The following LCLAT1 variants were observed in gnomAD, a reference collection of about 807,000 sequenced individuals.
LCLAT1 encodes the protein lysocardiolipin acyltransferase 1, also known as 1-AGP acyltransferase 8.
In LCLAT1, 11 loss-of-function variants were observed where a neutral mutation model predicts 30.7. The ratio of observed to expected loss-of-function variants is 0.36; its 90% CI spans 0.23 to 0.59. The LOEUF (loss-of-function observed/expected upper bound fraction) is 0.59, where lower values mean the gene tolerates loss of function less well. Among genes scored for constraint, LCLAT1 ranks in the 20% least tolerant of loss-of-function variants. The pLI is 0.77. For synonymous variants in LCLAT1, 155 were observed against 151.3 expected (o/e 1.02, Z -0.18); for missense variants, 402 against 458.6 (o/e 0.88, Z 1.13).
intron 1 of LCLAT1, among the ~76,000 whole-genome samples, chr2:30,461,012 G>T (rs1259590228): frequency 6.6e-6 from 1 of 152,214 alleles, no homozygotes. Flanking sequence ...CCATTGGGCT[G>T]TTCCTGAGTT....
chr2:30,472,044 TA>T (rs1222242068), intron 1 of LCLAT1, among the ~76,000 whole-genome samples: 1 of 152,216 alleles, frequency 6.6e-6, no homozygotes, highest in African/African-American at 2.4e-5. Flanking sequence ...CCTTTTCTTT[TA>T]AATCTTTAAC....
chr2:30,484,984 CACTT>C (rs1683493896), intron 1 of LCLAT1, among the ~76,000 whole-genome samples: 1 of 152,042 alleles, frequency 6.6e-6, no homozygotes, highest in Non-Finnish European at 1.5e-5. Flanking sequence ...AACAGTAACT[CACTT>C]AAGCAGAAGG....
At chr2:30,576,276 G>A (rs942655713) in intron 5 of LCLAT1, among the ~76,000 whole-genome samples, 2 of 152,138 alleles carry the variant, frequency 1.3e-5, no homozygotes, top group African/African-American at 4.8e-5. Flanking sequence ...ATGACTTTCG[G>A]TAGACTTTAC....
chr2:30,547,235 T>A (rs1005907085), intron 3 of LCLAT1, among the ~76,000 whole-genome samples: 4 of 152,226 alleles, frequency 2.6e-5, no homozygotes, highest in South Asian at 2.1e-4. Flanking sequence ...TAGCTACTTA[T>A]TAACTATGCT....
At chr2:30,542,755 C>G (rs938284810) in intron 3 of LCLAT1, among the ~76,000 whole-genome samples, 1 of 151,960 alleles carries the variant, frequency 6.6e-6, no homozygotes, top group African/African-American at 2.4e-5. Flanking sequence ...TTGATTGATG[C>G]TATTTTGGAG....
At chr2:30,567,889 A>T (rs557834569) in intron 4 of LCLAT1, among the ~76,000 whole-genome samples, 171 bp from the exon 5 acceptor site, 2 of 152,232 alleles carry the variant, frequency 1.3e-5, no homozygotes, top group South Asian at 4.1e-4. Flanking sequence ...TAGGTCTGGG[A>T]TCTTGATAAT....
chr2:30,576,399 A>G (rs994486572), intron 5 of LCLAT1, among the ~76,000 whole-genome samples: 19 of 152,294 alleles, frequency 1.2e-4, no homozygotes, highest in Middle Eastern at 3.4e-3. Flanking sequence ...AGCTGTGTCA[A>G]TACTATTTAC....
At chr2:30,453,323 G>A (rs745895541) in intron 1 of LCLAT1, among the ~76,000 whole-genome samples, 11 of 152,196 alleles carry the variant, frequency 7.2e-5, no homozygotes, top group Non-Finnish European at 1.3e-4. Flanking sequence ...GTGACTGGGA[G>A]TGTGGACTGA....
At chr2:30,500,338 T>G (rs1025256109) in intron 1 of LCLAT1, among the ~76,000 whole-genome samples, 2 of 152,190 alleles carry the variant, frequency 1.3e-5, no homozygotes, top group Non-Finnish European at 2.9e-5. Flanking sequence ...TGACTCAGGT[T>G]AGAGTTGTTT....
chr2:30,479,207 A>T (rs999593185), intron 1 of LCLAT1, among the ~76,000 whole-genome samples: 2 of 151,984 alleles, frequency 1.3e-5, no homozygotes, highest in African/African-American at 4.8e-5. Context: ...AGTAGAGTAT[A>T]TACTTGTTTT....
intron 3 of LCLAT1, among the ~76,000 whole-genome samples, chr2:30,534,570 C>T (rs1012371706): frequency 1.3e-5 from 2 of 152,162 alleles, no homozygotes; most frequent in Admixed American, 6.5e-5. Context: ...CCACTGCGCC[C>T]GGCCAACTGT....
chr2:30,452,856 A>G (rs1251181261), intron 1 of LCLAT1, among the ~76,000 whole-genome samples: 1 of 151,852 alleles, frequency 6.6e-6, no homozygotes, highest in African/African-American at 2.4e-5. Context: ...TTTTATTCAC[A>G]CCTTTACCTT....
intron 5 of LCLAT1, among the ~76,000 whole-genome samples, chr2:30,589,290 T>G (rs1666583261): frequency 6.6e-6 from 1 of 152,204 alleles, no homozygotes; most frequent in South Asian, 2.1e-4. Context: ...TCCTCTTTGG[T>G]AGGGGAGTTG....
At chr2:30,455,892 G>A (rs542618324) in intron 1 of LCLAT1, among the ~76,000 whole-genome samples, 65 of 125,242 alleles carry the variant, frequency 5.2e-4, no homozygotes, top group African/African-American at 2.0e-3. Flanking sequence ...CCTGGGTGAC[G>A]GAGTGAGACC....
At chr2:30,459,562 A>T in intron 1 of LCLAT1, 1 of 1,278,500 alleles carries the variant, frequency 7.8e-7, no homozygotes, top group Non-Finnish European at 1.1e-6. Flanking sequence ...GCTGAAAAAC[A>T]GAGTGGGTAC....
intron 1 of LCLAT1, among the ~76,000 whole-genome samples, chr2:30,501,513 A>G (rs1684387561): frequency 6.6e-6 from 1 of 152,056 alleles, no homozygotes; most frequent in Non-Finnish European, 1.5e-5. Context: ...ATCAAAAAAT[A>G]CAAAAAAAAA....
chr2:30,563,757 A>G (rs1007633492), intron 4 of LCLAT1, among the ~76,000 whole-genome samples: 1 of 152,252 alleles, frequency 6.6e-6, no homozygotes, highest in African/African-American at 2.4e-5. Flanking sequence ...ACTCATTATT[A>G]CAAAAGAGAG....
intron 5 of LCLAT1, among the ~76,000 whole-genome samples, chr2:30,630,918 A>G (rs1033053367): frequency 7.2e-5 from 11 of 152,232 alleles, no homozygotes; most frequent in African/African-American, 1.7e-4. Flanking sequence ...GATGGTAAAT[A>G]GAACACTCAA....
chr2:30,538,723 A>G (rs1292732954), intron 3 of LCLAT1, among the ~76,000 whole-genome samples: 1 of 148,674 alleles, frequency 6.7e-6, no homozygotes, highest in Admixed American at 6.9e-5. Context: ...CCACAGAAAT[A>G]CAAAAGATCA....
Sources: gnomAD v4.1 joint callset for allele counts (sites outside exome capture counted in the v4.1 genomes callset) on GRCh38, gnomAD v4.1.1 for gene constraint, MANE v1.5 for transcripts, NCBI Gene and HGNC (gene_info 2026-07-23, HGNC 2026-07-21) for gene names.